DPYD: variants seen among roughly 807,000 people sequenced by gnomAD.
DPYD encodes the protein dihydropyrimidine dehydrogenase, also known as dihydropyrimidine dehydrogenase [NADP(+)].
Under a neutral mutation model 116.2 loss-of-function variants are expected in DPYD, and 109 were observed. The ratio of observed to expected loss-of-function variants is 0.94; its 90% CI spans 0.80 to 1.10. The LOEUF (loss-of-function observed/expected upper bound fraction) is 1.10. Ranked by LOEUF, DPYD falls within the 50% of genes least tolerant of loss-of-function variation. DPYD has a pLI of 0.00. For missense variants in DPYD, 1,302 were observed against 1,254.5 expected, an observed-to-expected ratio of 1.04 and a Z score of -0.57; for synonymous variants, 440 against 432.0, an observed-to-expected ratio of 1.02 and a Z score of -0.23.
At chr1:97,109,523 G>A (rs2101620628) in intron 20 of DPYD, among the ~76,000 whole-genome samples, 1 of 152,198 alleles carries the variant, frequency 6.6e-6, no homozygotes, top group East Asian at 1.9e-4. Context: ...AAAATGAGGT[G>A]ATGAGGAAAA....
At chr1:97,227,529 AC>A (rs1195603789) in intron 19 of DPYD, among the ~76,000 whole-genome samples, 1 of 151,892 alleles carries the variant, frequency 6.6e-6, no homozygotes, top group Non-Finnish European at 1.5e-5. Context: ...ATAAATATGT[AC>A]ACCTACTATG....
chr1:97,786,250 C>G (rs1571354767), intron 3 of DPYD, among the ~76,000 whole-genome samples: 1 of 152,114 alleles, frequency 6.6e-6, no homozygotes, highest in East Asian at 1.9e-4. Context: ...TTTACCAATT[C>G]TAACAAACTT....
intron 8 of DPYD, among the ~76,000 whole-genome samples, chr1:97,614,799 C>T (rs889844531): frequency 1.3e-5 from 2 of 152,056 alleles, no homozygotes; most frequent in Admixed American, 1.3e-4. Flanking sequence ...CTCATTTTAG[C>T]ACTGAGGAAA....
chr1:97,838,681 T>A (rs1229237881), intron 2 of DPYD, among the ~76,000 whole-genome samples: 1 of 151,838 alleles, frequency 6.6e-6, no homozygotes, highest in East Asian at 1.9e-4. Flanking sequence ...CCGTCTCTAC[T>A]AAAAATACAA....
At chr1:97,187,315 T>C (rs1346232637) in intron 20 of DPYD, among the ~76,000 whole-genome samples, 3 of 152,166 alleles carry the variant, frequency 2.0e-5, no homozygotes, top group Non-Finnish European at 2.9e-5. Flanking sequence ...TTAATTTACA[T>C]TTCTCTGATG....
At chr1:97,759,849 T>C (rs1665475341) in intron 3 of DPYD, among the ~76,000 whole-genome samples, 1 of 152,168 alleles carries the variant, frequency 6.6e-6, no homozygotes, top group Non-Finnish European at 1.5e-5. Flanking sequence ...ATGATCAGAA[T>C]GTGATCCATA....
At chr1:97,531,355 G>A (rs932473102) in intron 12 of DPYD, among the ~76,000 whole-genome samples, 3 of 152,120 alleles carry the variant, frequency 2.0e-5, no homozygotes, top group African/African-American at 2.4e-5. Context: ...TTTTCCCAAT[G>A]TAACATTTAT....
chr1:97,487,782 G>A (rs191123273), intron 13 of DPYD, among the ~76,000 whole-genome samples: 5 of 152,116 alleles, frequency 3.3e-5, no homozygotes, highest in Non-Finnish European at 7.4e-5. Context: ...TTAAGTACTG[G>A]CAAGAATGTG....
At chr1:97,754,339 T>C (rs1441991484) in intron 3 of DPYD, among the ~76,000 whole-genome samples, 1 of 152,148 alleles carries the variant, frequency 6.6e-6, no homozygotes, top group Non-Finnish European at 1.5e-5. Context: ...TGTCTACAGC[T>C]TAATATGATT....
intron 8 of DPYD, among the ~76,000 whole-genome samples, chr1:97,603,120 A>G (rs1327895751): frequency 6.6e-6 from 1 of 151,844 alleles, no homozygotes; most frequent in Non-Finnish European, 1.5e-5. Context: ...TAATCCCCGC[A>G]TTGTGAAGTA....
At chr1:97,787,803 A>G (rs1462150466) in intron 3 of DPYD, among the ~76,000 whole-genome samples, 3 of 152,200 alleles carry the variant, frequency 2.0e-5, no homozygotes, top group African/African-American at 7.2e-5. Context: ...CTAAAATATA[A>G]GCATATATAA....
chr1:97,490,191 T>A (rs906438188), intron 13 of DPYD, among the ~76,000 whole-genome samples: 1 of 151,834 alleles, frequency 6.6e-6, no homozygotes, highest in African/African-American at 2.4e-5. Flanking sequence ...CATCATCAAC[T>A]CACTGCATAT....
At chr1:97,408,521 TA>T (rs1673800356) in intron 14 of DPYD, among the ~76,000 whole-genome samples, 1 of 152,194 alleles carries the variant, frequency 6.6e-6, no homozygotes, top group South Asian at 2.1e-4. Context: ...AATAGCTGTG[TA>T]ATTATGACCT....
chr1:97,624,530 T>C (rs1656812653), intron 8 of DPYD, among the ~76,000 whole-genome samples: 1 of 151,966 alleles, frequency 6.6e-6, no homozygotes, highest in South Asian at 2.1e-4. Context: ...TGTAAATTAG[T>C]AGAGCCACTA....
At chr1:97,137,277 A>T (rs1410101773) in intron 20 of DPYD, among the ~76,000 whole-genome samples, 1 of 152,230 alleles carries the variant, frequency 6.6e-6, no homozygotes, top group Non-Finnish European at 1.5e-5. Flanking sequence ...CTTTCAGCAT[A>T]TTCAGTCATC....
At chr1:97,748,119 AT>A (rs1664658614) in intron 3 of DPYD, among the ~76,000 whole-genome samples, 1 of 152,154 alleles carries the variant, frequency 6.6e-6, no homozygotes, top group Non-Finnish European at 1.5e-5. Context: ...ACATATACAT[AT>A]GCTTTAAGGG....
At chr1:97,598,480 C>T (rs1397301574) in intron 8 of DPYD, among the ~76,000 whole-genome samples, 1 of 151,974 alleles carries the variant, frequency 6.6e-6, no homozygotes, top group Non-Finnish European at 1.5e-5. Context: ...TCAAGGAGGC[C>T]GGATAGTTTG....
chr1:97,478,848 T>C (rs1294276134), intron 13 of DPYD, among the ~76,000 whole-genome samples: 1 of 152,248 alleles, frequency 6.6e-6, no homozygotes, highest in Non-Finnish European at 1.5e-5. Flanking sequence ...GATAGCTCAC[T>C]GCAGCTTCTA....
intron 4 of DPYD, among the ~76,000 whole-genome samples, chr1:97,724,705 T>A (rs987957565): frequency 1.1e-4 from 17 of 151,524 alleles, no homozygotes; most frequent in Non-Finnish European, 3.0e-5. Context: ...TAAATGCCAA[T>A]CTAATTCAAA....
Sources: gnomAD v4.1 joint callset for allele counts (sites outside exome capture counted in the v4.1 genomes callset) on GRCh38, gnomAD v4.1.1 for gene constraint, MANE v1.5 for transcripts, NCBI Gene and HGNC (gene_info 2026-07-23, HGNC 2026-07-21) for gene names.